DTWD2: variants seen among roughly 807,000 people sequenced by gnomAD.
DTWD2 encodes DTW motif tRNA-uridine aminocarboxypropyltransferase 2.
In DTWD2, 39 loss-of-function variants were observed where a neutral mutation model predicts 31.8. The observed-to-expected ratio is 1.22, with a 90% CI of 0.95 to 1.60. The LOEUF is 1.60. Among genes scored for constraint, DTWD2 ranks in the 40% most tolerant of loss-of-function variants. The probability of loss-of-function intolerance (pLI) is 0.00; values close to 1 mark genes in which losing one functional copy is unlikely to be tolerated. For missense variants in DTWD2, 515 were observed against 381.5 expected, an observed-to-expected ratio of 1.35 and a Z score of -2.92; for synonymous variants, 180 against 142.8, an observed-to-expected ratio of 1.26 and a Z score of -1.86.
intron 4 of DTWD2, among the ~76,000 whole-genome samples, chr5:118,925,741 A>G (rs745592455): frequency 5.9e-5 from 9 of 152,030 alleles, no homozygotes; most frequent in Middle Eastern, 3.4e-3. Context: ...GCTACTCAGG[A>G]GGCTGAGGCA....
chr5:118,977,578 C>T (rs2149602253), intron 1 of DTWD2, among the ~76,000 whole-genome samples: 1 of 152,234 alleles, frequency 6.6e-6, no homozygotes, highest in East Asian at 1.9e-4. Flanking sequence ...GAATGAACTC[C>T]CATTCGCAAT....
At chr5:118,849,343 T>A (rs1030176493) in intron 4 of DTWD2, among the ~76,000 whole-genome samples, 1 of 152,080 alleles carries the variant, frequency 6.6e-6, no homozygotes, top group Admixed American at 6.5e-5. Flanking sequence ...CTCACTCCAG[T>A]TGGAATGGTG....
At chr5:118,913,906 T>C (rs1294416730) in intron 4 of DTWD2, among the ~76,000 whole-genome samples, 1 of 152,176 alleles carries the variant, frequency 6.6e-6, no homozygotes, top group African/African-American at 2.4e-5. Context: ...GGTTTTTATT[T>C]TCATTTTATG....
chr5:118,871,867 G>C (rs971516023), intron 4 of DTWD2, among the ~76,000 whole-genome samples: 1 of 152,140 alleles, frequency 6.6e-6, no homozygotes, highest in Non-Finnish European at 1.5e-5. Flanking sequence ...CCCAGGCACT[G>C]ATTTCTCTCT....
intron 3 of DTWD2, among the ~76,000 whole-genome samples, chr5:118,935,230 G>A (rs113006538): frequency 0.012 from 1,885 of 152,268 alleles, 16 homozygotes; most frequent in Non-Finnish European, 0.018. Flanking sequence ...CTTGCATTAC[G>A]TATCTCACCT....
chr5:118,923,893 C>A lies in DTWD2; in HGVS notation c.597+4644G>T, dbSNP rs1455805975. Among the ~76,000 whole-genome samples, 5 of 152,144 alleles carry A rather than the reference C, an allele frequency of 3.3e-5. No individual in the cohort carries two copies. In the East Asian group the frequency reaches 7.7e-4, roughly 23 times the overall value. ...CCCTGCTTTTATAAGCCACCTCAGACAGACACTGGAACATGTTAGACAACA... is the reference window on the plus strand; with the variant it reads ...CCCTGCTTTTATAAGCCACCTCAGAAAGACACTGGAACATGTTAGACAACA... On this transcript the variant is annotated intron_variant, in intron 4 of 5. Transcript: ENST00000510708.
intron 1 of DTWD2, chr5:118,974,189 C>T (rs1169858220): frequency 2.3e-5 from 32 of 1,401,080 alleles, no homozygotes; most frequent in Non-Finnish European, 3.0e-5. Flanking sequence ...CCCTCCACTT[C>T]CCGTCTCAGA....
chr5:118,867,843 A>G (rs989838025), intron 4 of DTWD2, among the ~76,000 whole-genome samples: 2 of 152,208 alleles, frequency 1.3e-5, no homozygotes, highest in African/African-American at 4.8e-5. Flanking sequence ...TGTCAATACT[A>G]CCCAAAGAAA....
At chr5:118,878,276 A>G (rs1454163891) in intron 4 of DTWD2, among the ~76,000 whole-genome samples, 4 of 152,258 alleles carry the variant, frequency 2.6e-5, no homozygotes, top group African/African-American at 4.8e-5. Context: ...ACAGGGCTAC[A>G]GTAACCAAAA....
chr5:118,960,765 A>G (rs1364381483), intron 1 of DTWD2, among the ~76,000 whole-genome samples: 1 of 152,116 alleles, frequency 6.6e-6, no homozygotes, highest in African/African-American at 2.4e-5. Context: ...AAACAAAATC[A>G]TGTCCTTTAG....
At chr5:118,920,993 A>T (rs1753690530) in intron 4 of DTWD2, among the ~76,000 whole-genome samples, 1 of 152,234 alleles carries the variant, frequency 6.6e-6, no homozygotes, top group African/African-American at 2.4e-5. Flanking sequence ...AAGATCTCTA[A>T]TAACCCTTTT....
intron 3 of DTWD2, among the ~76,000 whole-genome samples, chr5:118,934,862 G>A (rs1743110685): frequency 6.6e-6 from 1 of 152,154 alleles, no homozygotes; most frequent in African/African-American, 2.4e-5. Context: ...AAGACAAAGA[G>A]TATTACCAGA....
intron 1 of DTWD2, among the ~76,000 whole-genome samples, chr5:118,967,023 C>T (rs1398132254): frequency 6.7e-6 from 1 of 148,342 alleles, no homozygotes; most frequent in Non-Finnish European, 1.5e-5. Flanking sequence ...GAGGGGGACT[C>T]CATCTCAAAA....
intron 5 of DTWD2, among the ~76,000 whole-genome samples, chr5:118,842,040 T>C (rs1751727829): frequency 6.6e-6 from 1 of 152,212 alleles, no homozygotes; most frequent in Non-Finnish European, 1.5e-5. Flanking sequence ...TTCTCTTACA[T>C]GCGGCCAAAT....
chr5:118,988,438 G>A lies in DTWD2; in HGVS notation c.74C>T (p.Thr25Met), dbSNP rs776118647. The A allele has an allele frequency of 5.0e-6, 8 of 1,607,146 alleles. No homozygotes were observed. The highest frequency in any genetic ancestry group is 5.9e-6 in the Non-Finnish European group (7 of 1,178,288). The change falls in exon 1 of 6, where the codon ACG becomes ATG. Residue 25 changes from threonine (T) to methionine (M), a missense_variant. By Grantham distance (81) the Thr-to-Met change is moderately conservative (BLOSUM62 -1). Coordinates refer to ENST00000510708, the MANE Select transcript of DTWD2 (RefSeq NM_173666.4). ...CTCCCGCCGCTCCTTGTCGTTCGGC[G>A]TCTGAGAGCTTGAGGCCCCAGAAGG... The part of the protein sequence containing the change: ...ARPSGASSSQ[T>M]PNDKERREGG...
At chr5:118,874,376 G>T (rs928243287) in intron 4 of DTWD2, among the ~76,000 whole-genome samples, 1 of 152,148 alleles carries the variant, frequency 6.6e-6, no homozygotes, top group Non-Finnish European at 1.5e-5. Context: ...TGAAATGAGA[G>T]AAATATAATT....
intron 4 of DTWD2, among the ~76,000 whole-genome samples, chr5:118,913,550 C>G (rs936933963): frequency 5.3e-5 from 8 of 151,054 alleles, no homozygotes; most frequent in African/African-American, 1.9e-4. Flanking sequence ...TATACAAAAC[C>G]AAACTGTATT....
chr5:118,864,369 G>A (rs1457557940), intron 4 of DTWD2, among the ~76,000 whole-genome samples: 3 of 151,320 alleles, frequency 2.0e-5, no homozygotes, highest in East Asian at 3.9e-4. Flanking sequence ...ATCACACTCT[G>A]GGGACTGTTG....
chr5:118,854,205 T>A (rs985038223), intron 4 of DTWD2, among the ~76,000 whole-genome samples: 4 of 152,124 alleles, frequency 2.6e-5, no homozygotes, highest in African/African-American at 9.7e-5. Context: ...CTATAAAAAG[T>A]GCTTAGACTT....
Sources: gnomAD v4.1 joint callset for allele counts (sites outside exome capture counted in the v4.1 genomes callset) on GRCh38, gnomAD v4.1.1 for gene constraint, MANE v1.5 for transcripts, NCBI Gene and HGNC (gene_info 2026-07-23, HGNC 2026-07-21) for gene names.